SLC35D4: variants seen among roughly 807,000 people sequenced by gnomAD.
SLC35D4 encodes the protein solute carrier family 35 member D4.
chr18:23,382,090 A>G, the SLC35D4 span, among the ~76,000 whole-genome samples: 2 of 151,924 alleles, frequency 1.3e-5, no homozygotes, highest in African/African-American at 2.4e-5. Context: ...AATACAAAAA[A>G]TTAGCTGGGC....
chr18:23,409,203 CAAGAAA>C, the SLC35D4 span, among the ~76,000 whole-genome samples: 13 of 152,108 alleles, frequency 8.5e-5, no homozygotes, highest in Non-Finnish European at 4.4e-5. Flanking sequence ...TACAGATAAT[CAAGAAA>C]AAGATTATAA....
the SLC35D4 span, among the ~76,000 whole-genome samples, chr18:23,287,245 T>C: frequency 7.2e-5 from 11 of 152,156 alleles, no homozygotes; most frequent in Admixed American, 5.2e-4. Flanking sequence ...CAAACCCATA[T>C]ACTCTCCTAT....
chr18:23,435,986 G>A, the SLC35D4 span, among the ~76,000 whole-genome samples: 6 of 147,828 alleles, frequency 4.1e-5, no homozygotes, highest in African/African-American at 1.5e-4. Flanking sequence ...CTGAGCCACT[G>A]TGCCTGGCCA....
the SLC35D4 span, among the ~76,000 whole-genome samples, chr18:23,303,449 C>T: frequency 2.0e-5 from 3 of 152,240 alleles, no homozygotes; most frequent in Non-Finnish European, 4.4e-5. Context: ...CAGACGCCTG[C>T]TTCCTTACTA....
the SLC35D4 span, among the ~76,000 whole-genome samples, chr18:23,398,824 C>T: frequency 6.6e-6 from 1 of 152,148 alleles, no homozygotes; most frequent in Non-Finnish European, 1.5e-5. Flanking sequence ...GCACATTCTG[C>T]ACTTTCCCCA....
chr18:23,402,655 T>C, the SLC35D4 span, among the ~76,000 whole-genome samples: 1 of 151,648 alleles, frequency 6.6e-6, no homozygotes, highest in Non-Finnish European at 1.5e-5. Context: ...ATTTAAAAAT[T>C]CAGCTGAGTG....
chr18:23,295,285 G>C, the SLC35D4 span, among the ~76,000 whole-genome samples: 1 of 151,850 alleles, frequency 6.6e-6, no homozygotes, highest in Non-Finnish European at 1.5e-5. Context: ...TAGGTGACTG[G>C]TGGATAGGTG....
At chr18:23,311,178 T>C in the SLC35D4 span, among the ~76,000 whole-genome samples, 3 of 151,680 alleles carry the variant, frequency 2.0e-5, no homozygotes, top group Non-Finnish European at 4.4e-5. Context: ...CTCAGCTCAC[T>C]GTAGCCTCGA....
the SLC35D4 span, among the ~76,000 whole-genome samples, chr18:23,285,093 G>A: frequency 2.0e-5 from 3 of 152,176 alleles, no homozygotes; most frequent in African/African-American, 7.2e-5. Context: ...GGCAAGTCCT[G>A]CTTTTCTGGG....
At chr18:23,261,472 A>C in the SLC35D4 span, among the ~76,000 whole-genome samples, 1 of 152,002 alleles carries the variant, frequency 6.6e-6, no homozygotes, top group African/African-American at 2.4e-5. Context: ...AAATACAAAA[A>C]ATTAACTGGG....
At chr18:23,326,775 AT>A in the SLC35D4 span, among the ~76,000 whole-genome samples, 2 of 152,234 alleles carry the variant, frequency 1.3e-5, no homozygotes, top group Admixed American at 6.5e-5. Flanking sequence ...CATTGCACGT[AT>A]TCTAAAATTG....
chr18:23,342,288 A>G, the SLC35D4 span, among the ~76,000 whole-genome samples: 1 of 152,186 alleles, frequency 6.6e-6, no homozygotes, highest in Non-Finnish European at 1.5e-5. Context: ...TTGCCTTTTT[A>G]TGGGCATTTC....
At chr18:23,388,702 A>G in the SLC35D4 span, among the ~76,000 whole-genome samples, 1 of 152,162 alleles carries the variant, frequency 6.6e-6, no homozygotes, top group Non-Finnish European at 1.5e-5. Flanking sequence ...GTAATTCCCA[A>G]TTTTGGGAGA....
chr18:23,253,041 A>C, the SLC35D4 span: 2 of 1,613,024 alleles, frequency 1.2e-6, no homozygotes, highest in South Asian at 2.2e-5. Flanking sequence ...TCCTCACATT[A>C]AGCTGACACT....
At chr18:23,242,027 G>A in the SLC35D4 span, among the ~76,000 whole-genome samples, 1 of 152,176 alleles carries the variant, frequency 6.6e-6, no homozygotes, top group Non-Finnish European at 1.5e-5. Context: ...TGTAATCCCT[G>A]CACTTTGGAA....
chr18:23,347,090 CTTT>C, the SLC35D4 span, among the ~76,000 whole-genome samples: 3,019 of 152,270 alleles, frequency 0.02, 92 homozygotes, highest in African/African-American at 0.068. Context: ...AACACTTCTT[CTTT>C]AAATATTTGA....
At chr18:23,379,340 T>A in the SLC35D4 span, among the ~76,000 whole-genome samples, 1 of 152,112 alleles carries the variant, frequency 6.6e-6, no homozygotes, top group Non-Finnish European at 1.5e-5. Context: ...GCCAGGCTGG[T>A]CTTGAACTCA....
chr18:23,258,977 G>T, the SLC35D4 span: 1 of 145,662 alleles, frequency 6.9e-6, no homozygotes, highest in African/African-American at 2.6e-5. Context: ...AGAATCAGTT[G>T]TAAGACAGTG....
the SLC35D4 span, chr18:23,297,671 G>A: frequency 3.4e-6 from 1 of 292,940 alleles, no homozygotes; most frequent in Non-Finnish European, 6.6e-6. Context: ...GGCGAGCAGA[G>A]CCAGCCCATG....
Sources: allele counts gnomAD v4.1 joint callset (sites outside exome capture counted in the v4.1 genomes callset), GRCh38; gene constraint gnomAD v4.1.1; transcripts MANE v1.5; gene names NCBI Gene and HGNC (gene_info 2026-07-23, HGNC 2026-07-21).